The following RGS7 variants were observed in gnomAD, a reference collection of about 807,000 sequenced individuals.
RGS7 encodes regulator of G protein signaling 7.
A neutral mutation model predicts 81.1 loss-of-function variants in RGS7; 27 were observed. The observed-to-expected ratio is 0.33, with a 90% CI of 0.25 to 0.46. The LOEUF is 0.46. Ranked by LOEUF, RGS7 falls within the 20% of genes least tolerant of loss-of-function variation. The pLI is 1.00. For missense variants in RGS7, 396 were observed against 607.4 expected, an observed-to-expected ratio of 0.65 and a Z score of 3.66; for synonymous variants, 208 against 207.7, an observed-to-expected ratio of 1.00 and a Z score of -0.01.
At chr1:240,913,982 T>C (rs1249891395) in intron 6 of RGS7, among the ~76,000 whole-genome samples, 1 of 152,014 alleles carries the variant, frequency 6.6e-6, no homozygotes, top group Non-Finnish European at 1.5e-5. Context: ...TACATATGTA[T>C]ACATGTGCCA....
intron 6 of RGS7, among the ~76,000 whole-genome samples, chr1:240,883,606 G>A (rs927699370): frequency 6.6e-6 from 1 of 152,064 alleles, no homozygotes. Context: ...GGTTATTCAT[G>A]GCCATTCACA....
intron 2 of RGS7, among the ~76,000 whole-genome samples, chr1:241,311,321 A>C (rs1219766393): frequency 2.0e-4 from 30 of 152,216 alleles, no homozygotes; most frequent in Non-Finnish European, 7.3e-5. Flanking sequence ...TGTGCCACAT[A>C]AAAAACAAAG....
chr1:241,187,663 T>C (rs1250322079), intron 2 of RGS7, among the ~76,000 whole-genome samples: 1 of 152,198 alleles, frequency 6.6e-6, no homozygotes, highest in Non-Finnish European at 1.5e-5. Context: ...ATGGCTGTTG[T>C]CCCACTTAAG....
intron 3 of RGS7, among the ~76,000 whole-genome samples, chr1:241,098,011 T>G (rs1476522567): frequency 6.6e-6 from 1 of 152,216 alleles, no homozygotes; most frequent in Non-Finnish European, 1.5e-5. Flanking sequence ...CCCAAACCTG[T>G]TCCTGCAACA....
chr1:241,336,754 G>A (rs1422182849), intron 2 of RGS7, among the ~76,000 whole-genome samples: 2 of 152,050 alleles, frequency 1.3e-5, no homozygotes, highest in South Asian at 2.1e-4. Context: ...AAAATAAAAC[G>A]CCTTATTGCT....
At chr1:240,870,180 G>A in intron 6 of RGS7, 61 bp from the exon 7 acceptor site, 1 of 1,421,218 alleles carries the variant, frequency 7.0e-7, no homozygotes, top group Non-Finnish European at 1.0e-6. Flanking sequence ...ATAAGTAAAA[G>A]TACAACATTA....
In RGS7 at chr1:241,140,488, C is replaced by T. The variant is rs138221390; in HGVS notation, c.79-41726G>A. ...CTCACTTTGTTGCCCAGGCTGATCT[C>T]GAACTCCTGGACTCAAGTGATGCTT... On this transcript the variant is annotated intron_variant, in intron 2 of 18. Transcript: ENST00000440928. Among the ~76,000 whole-genome samples the T allele has an allele frequency of 4.6e-3, 705 of 152,292 alleles. 5 individuals carry two copies. The highest frequency in any genetic ancestry group is 0.016 in the African/African-American group (656 of 41,550).
At chr1:241,188,285 TCACACACACA>T (rs59722851) in intron 2 of RGS7, among the ~76,000 whole-genome samples, 29,738 of 147,974 alleles carry the variant, frequency 0.2, 3,484 homozygotes, top group Admixed American at 0.28. Context: ...TCTTTTATCC[TCACACACACA>T]CACACACACA....
intron 2 of RGS7, among the ~76,000 whole-genome samples, chr1:241,194,230 TTCC>T (rs2072899911): frequency 6.6e-6 from 1 of 152,210 alleles, no homozygotes; most frequent in African/African-American, 2.4e-5. Flanking sequence ...TTGTTCAGCT[TTCC>T]TTGAAACCCA....
intron 3 of RGS7, among the ~76,000 whole-genome samples, chr1:241,002,384 C>T (rs376578664): frequency 6.6e-6 from 1 of 150,710 alleles, no homozygotes; most frequent in South Asian, 2.1e-4. Context: ...ACCCGGGAGG[C>T]GTAGGTTGCA....
intron 18 of RGS7, among the ~76,000 whole-genome samples, chr1:240,783,896 C>T (rs1229971787): frequency 6.6e-6 from 1 of 151,680 alleles, no homozygotes; most frequent in Non-Finnish European, 1.5e-5. Flanking sequence ...CACAGAATGG[C>T]CAGGTGCGGT....
chr1:241,034,967 C>T (rs1034684284), intron 3 of RGS7, among the ~76,000 whole-genome samples: 1 of 152,048 alleles, frequency 6.6e-6, no homozygotes, highest in African/African-American at 2.4e-5. Flanking sequence ...CACTTCTTCT[C>T]GTATTTAAGA....
At chr1:240,836,018 A>G (rs2147853686) in intron 9 of RGS7, among the ~76,000 whole-genome samples, 1 of 152,358 alleles carries the variant, frequency 6.6e-6, no homozygotes, top group Admixed American at 6.5e-5. Context: ...ATGTCATTAT[A>G]CATTTGTCAA....
chr1:241,196,002 A>G (rs1424131262), intron 2 of RGS7, among the ~76,000 whole-genome samples: 1 of 152,148 alleles, frequency 6.6e-6, no homozygotes, highest in South Asian at 2.1e-4. Context: ...TATGAGCCTT[A>G]AGAAGAAAGA....
chr1:241,196,781 T>A (rs2073108025), intron 2 of RGS7, among the ~76,000 whole-genome samples: 1 of 151,920 alleles, frequency 6.6e-6, no homozygotes, highest in Admixed American at 6.6e-5. Context: ...AATTAGAGTA[T>A]GGGTAAATGA....
At chr1:241,279,259 C>A (rs2078371912) in intron 2 of RGS7, among the ~76,000 whole-genome samples, 1 of 152,158 alleles carries the variant, frequency 6.6e-6, no homozygotes, top group African/African-American at 2.4e-5. Flanking sequence ...CACAGAGCAT[C>A]ATTCAGGACT....
rs112451600 is a variant in RGS7 at position 240,775,557 on chromosome 1, A to T, written c.*663T>A. 2.6e-5 allele frequency: 4 copies of T among 153,002 alleles called. 1 individual carries two copies. The highest frequency in any genetic ancestry group is 9.6e-5 in the African/African-American group (4 of 41,578). The allele number at this position is 153,002 out of a possible 1,614,324, so 9.5% of individuals were successfully genotyped here. A position where few individuals can be genotyped will look rare whatever the true frequency, so the allele number is the denominator to read the frequency against. ...AATGAAAGATAAAACAACAATATAA[A>T]CATACACAAATTTACAGAGAAGGGA... On this transcript the variant is annotated 3_prime_UTR_variant, in exon 19 of 19. Coordinates refer to ENST00000440928, the MANE Select transcript of RGS7 (RefSeq NM_001364886.1).
chr1:241,241,941 T>G (rs115054062), intron 2 of RGS7, among the ~76,000 whole-genome samples: 16,066 of 151,674 alleles, frequency 0.11, 1,091 homozygotes, highest in East Asian at 0.3. Context: ...TTTTTGTGTT[T>G]TTTTTTTTAA....
intron 6 of RGS7, among the ~76,000 whole-genome samples, chr1:240,877,773 C>T (rs564083229): frequency 2.6e-5 from 4 of 152,180 alleles, no homozygotes; most frequent in African/African-American, 9.6e-5. Flanking sequence ...TTGAAATTGC[C>T]AGTTTCCTGA....
Sources: allele counts gnomAD v4.1 joint callset (sites outside exome capture counted in the v4.1 genomes callset), GRCh38; gene constraint gnomAD v4.1.1; transcripts MANE v1.5; gene names NCBI Gene and HGNC (gene_info 2026-07-23, HGNC 2026-07-21).